Variants in LIFR observed in about 807,000 individuals in gnomAD.
The protein encoded by LIFR is leukemia inhibitory factor receptor.
A neutral mutation model predicts 122.2 loss-of-function variants in LIFR; 84 were observed. That is an observed-to-expected ratio of 0.69 (90% CI 0.58 to 0.82). The LOEUF (loss-of-function observed/expected upper bound fraction) is 0.82, where lower values mean the gene tolerates loss of function less well. Among genes scored for constraint, LIFR ranks in the 40% least tolerant of loss-of-function variants. LIFR has a pLI of 0.00. For missense variants in LIFR, 1,294 were observed against 1,311.6 expected, an observed-to-expected ratio of 0.99 and a Z score of 0.21; for synonymous variants, 422 against 434.7, an observed-to-expected ratio of 0.97 and a Z score of 0.36.
chr5:38,527,214 T>C lies in LIFR; in HGVS notation c.338A>G (p.Asn113Ser), dbSNP rs752546019. 3.8e-6 allele frequency: 6 copies of C among 1,588,294 alleles called. No homozygotes were observed. Among genetic ancestry groups the C allele is most frequent in the Non-Finnish European group, 5.2e-6 (6 of 1,157,494 alleles). Residue 113 changes from asparagine to serine, a missense_variant, in exon 4 of 20, where the codon AAT (asparagine) becomes AGT (serine). By Grantham distance (46) the Asn-to-Ser change is conservative. Transcript: ENST00000453190. ...AGAACTTCCAAAATCATGTAGAGAA[T>C]TTATTGTTATTTCATAATCACCATG... ...LSHGDYEITI[N>S]SLHDFGSSTS... is the part of the protein sequence containing the mutation.
intron 5 of LIFR, among the ~76,000 whole-genome samples, chr5:38,513,518 T>C (rs1308045935): frequency 1.3e-5 from 2 of 152,226 alleles, no homozygotes; most frequent in African/African-American, 4.8e-5. Flanking sequence ...AGAATATCTT[T>C]GGATTGAAGA....
At chr5:38,520,828 T>G (rs1408969059) in intron 5 of LIFR, among the ~76,000 whole-genome samples, 1 of 152,236 alleles carries the variant, frequency 6.6e-6, no homozygotes, top group Non-Finnish European at 1.5e-5. Flanking sequence ...CTGTTTTGAT[T>G]ACTATAGATA....
chr5:38,544,225 T>A (rs538169657), intron 1 of LIFR, among the ~76,000 whole-genome samples: 3 of 152,094 alleles, frequency 2.0e-5, no homozygotes, highest in Admixed American at 2.0e-4. Flanking sequence ...ACCAATCCAC[T>A]CCGCACAAAG....
intron 1 of LIFR, among the ~76,000 whole-genome samples, chr5:38,578,209 T>TTC (rs1385334430): frequency 1.4e-4 from 16 of 116,690 alleles, no homozygotes; most frequent in Non-Finnish European, 2.0e-4. Flanking sequence ...TTCTTTTTCT[T>TTC]TTTTTTTTTT....
intron 16 of LIFR, 100 bp from the exon 17 acceptor site, chr5:38,486,080 G>C: frequency 3.7e-6 from 4 of 1,078,904 alleles, no homozygotes; most frequent in Non-Finnish European, 5.6e-6. Context: ...AGTGGGTCTA[G>C]CTGAGGCCAT....
At chr5:38,562,054 G>A (rs1433187046) in intron 1 of LIFR, among the ~76,000 whole-genome samples, 3 of 152,114 alleles carry the variant, frequency 2.0e-5, no homozygotes, top group Admixed American at 6.5e-5. Flanking sequence ...TGGGAGCACC[G>A]CAAATGTGAA....
At position 38,511,965 on chromosome 5, in the gene LIFR, C is replaced by T; in HGVS notation, c.562-1G>A. ...CATTCAGAGTTGTGTTGTGGGTCAC[C>T]TAAAAATGAACACAAACACAAAACT... On this transcript the variant is annotated splice_acceptor_variant, in intron 5 of 19. Transcript: ENST00000453190. LOFTEE classifies it high-confidence loss of function. 1 of 1,613,730 alleles carries T rather than the reference C, an allele frequency of 6.2e-7. No homozygotes were observed. Among genetic ancestry groups the T allele is most frequent in the South Asian group, 1.1e-5 (1 of 91,018 alleles).
In LIFR at chr5:38,544,589, C is replaced by T. The variant is rs529207645; in HGVS notation, c.-20+11745G>A. ...CTGCTTGCCTCCCTCCCCCAAATCC[C>T]GCACCACAACCACACACTGCTCACT... is the stretch of plus-strand genomic sequence containing the variant. On this transcript the variant is annotated intron_variant, in intron 1 of 19. Coordinates refer to ENST00000453190, the MANE Select transcript of LIFR (RefSeq NM_001127671.2). Among the ~76,000 whole-genome samples, 7 of 152,214 alleles carry T rather than the reference C, an allele frequency of 4.6e-5. No individual in the cohort carries two copies. In the South Asian group the frequency reaches 6.2e-4, roughly 14 times the overall value.
At chr5:38,563,988 A>G (rs1748923668) in intron 1 of LIFR, among the ~76,000 whole-genome samples, 1 of 152,146 alleles carries the variant, frequency 6.6e-6, no homozygotes, top group African/African-American at 2.4e-5. Flanking sequence ...AGTGCTGTCA[A>G]AGGCTCTTCT....
At position 38,602,943 on chromosome 5, in the gene LIFR, A is replaced by AG. The variant is rs200160639; in HGVS notation, n.305+3261dup. On this transcript the variant is annotated intron_variant and non_coding_transcript_variant, in intron 2 of 3. Coordinates refer to the LIFR transcript ENST00000507786. ...AAGACAAAATGGAGTATGACCTTCCAGGGGCACACCACTGGAGAAGGGAAG... is the reference window on the plus strand; with the variant it reads ...AAGACAAAATGGAGTATGACCTTCCAGGGGGCACACCACTGGAGAAGGGAAG... Among the ~76,000 whole-genome samples, 1,287 of 152,338 alleles carry AG rather than the reference A, an allele frequency of 8.4e-3. 15 individuals are homozygous for AG. The highest frequency in any genetic ancestry group is 0.027 in the African/African-American group (1,143 of 41,576).
rs187911883 is a variant in LIFR, at chr5:38,477,704, T to C, written c.*3891A>G. On this transcript the variant is annotated 3_prime_UTR_variant, in exon 20 of 20. Transcript: ENST00000453190. ...TCAATAGTCTCAGATCCACACAAGC[T>C]AGATTTTGGTGTGTATCACCCTTCA... 9.2e-6 allele frequency: 2 copies of C among 217,978 alleles called. No individual in the cohort carries two copies. The highest frequency in any genetic ancestry group is 1.2e-4 in the Admixed American group (2 of 17,218). 13.5% of individuals were successfully genotyped at this position (217,978 alleles called of 1,614,324 possible).
intron 8 of LIFR, 62 bp from the exon 9 acceptor site, chr5:38,506,136 G>A: frequency 3.6e-6 from 4 of 1,113,034 alleles, no homozygotes; most frequent in Non-Finnish European, 5.3e-6. Flanking sequence ...GGAAAAAACG[G>A]GCAAATTCGT....
intron 1 of LIFR, among the ~76,000 whole-genome samples, chr5:38,540,920 T>C (rs969473231): frequency 2.0e-5 from 3 of 152,156 alleles, no homozygotes; most frequent in African/African-American, 4.8e-5. Context: ...AAATATAAAC[T>C]GTTTTAAGAC....
intron 3 of LIFR, 198 bp downstream of exon 3, chr5:38,528,528 C>T: frequency 1.6e-6 from 1 of 617,056 alleles, no homozygotes. Flanking sequence ...TCTGTCCCCT[C>T]TTCTCACCTT....
chr5:38,574,032 C>G (rs1437392543), intron 1 of LIFR, among the ~76,000 whole-genome samples: 1 of 152,094 alleles, frequency 6.6e-6, no homozygotes, highest in Non-Finnish European at 1.5e-5. Flanking sequence ...AGGAGAATTG[C>G]TTGAACCTGG....
chr5:38,571,936 A>C (rs1749227954), intron 1 of LIFR, among the ~76,000 whole-genome samples: 1 of 152,180 alleles, frequency 6.6e-6, no homozygotes, highest in African/African-American at 2.4e-5. Flanking sequence ...TTCAAACCGA[A>C]GGTCAATTTT....
rs193201346 is a variant in LIFR at position 38,578,319 on chromosome 5, G to C, written c.-20+16942C>G. Among the ~76,000 whole-genome samples, 659 of 146,504 alleles carry C rather than the reference G, an allele frequency of 4.5e-3. 6 individuals carry two copies. Among genetic ancestry groups the C allele is most frequent in the African/African-American group, 0.016 (630 of 39,966 alleles). ...CCTCCCGGTTTCAAGTGATTCCCCT[G>C]CCTCAGCCTCCTGAGTAGCTGGTAT... is the stretch of plus-strand genomic sequence containing the variant. On this transcript the variant is annotated intron_variant, in intron 1 of 19. Transcript: ENST00000263409.
rs146272036 is a variant in LIFR at position 38,488,975 on chromosome 5, G to A, written c.2335+103C>T. The A allele has an allele frequency of 9.0e-6, 8 of 892,504 alleles. No homozygotes were observed. The African/African-American group carries it at 1.3e-4, about 15-fold the overall frequency. 55.3% of individuals were successfully genotyped at this position (892,504 alleles called of 1,614,324 possible). The stretch of plus-strand genomic sequence containing the variant: ...ATTTCTCTATCTTTCAGATAGTTTT[G>A]AAAACCAGTACTAAACTACTGAGCA... On this transcript the variant is annotated intron_variant, in intron 16 of 19. Transcript: ENST00000453190.
intron 1 of LIFR, among the ~76,000 whole-genome samples, chr5:38,586,173 G>T (rs1251542141): frequency 6.6e-6 from 1 of 151,784 alleles, no homozygotes; most frequent in Non-Finnish European, 1.5e-5. Context: ...CTTGTCACCC[G>T]GGTGTCAATG....
Sources: allele counts gnomAD v4.1 joint callset (sites outside exome capture counted in the v4.1 genomes callset), GRCh38; gene constraint gnomAD v4.1.1; transcripts MANE v1.5; gene names NCBI Gene and HGNC (gene_info 2026-07-23, HGNC 2026-07-21).